SERINC5: variants seen among roughly 807,000 people sequenced by gnomAD.
The protein encoded by SERINC5 is serine incorporator 5.
In SERINC5, 41 loss-of-function variants were observed where a neutral mutation model predicts 63.1. That is an observed-to-expected ratio of 0.65 (90% CI 0.51 to 0.84). SERINC5 has a LOEUF of 0.84. Among genes scored for constraint, SERINC5 ranks in the 40% least tolerant of loss-of-function variants. SERINC5 has a pLI of 0.00. For synonymous variants in SERINC5, 222 were observed against 215.2 expected (o/e 1.03, Z -0.28); for missense variants, 523 against 573.0 (o/e 0.91, Z 0.89).
At chr5:80,219,801 T>C (rs530212379) in intron 1 of SERINC5, among the ~76,000 whole-genome samples, 14 of 152,314 alleles carry the variant, frequency 9.2e-5, no homozygotes, top group African/African-American at 3.1e-4. Flanking sequence ...ATTTCTTCTA[T>C]CATCAACAGA....
At chr5:80,208,003 C>T (rs1750253551) in intron 1 of SERINC5, among the ~76,000 whole-genome samples, 1 of 152,160 alleles carries the variant, frequency 6.6e-6, no homozygotes, top group South Asian at 2.1e-4. Context: ...AGACACTGAG[C>T]ATGTCACTCA....
chr5:80,224,784 G>A (rs892462232), intron 1 of SERINC5, among the ~76,000 whole-genome samples: 5 of 149,858 alleles, frequency 3.3e-5, no homozygotes, highest in African/African-American at 4.9e-5. Flanking sequence ...GCACCACCAC[G>A]TCTAGCTAAT....
At chr5:80,204,598 T>C (rs1750057823) in intron 1 of SERINC5, among the ~76,000 whole-genome samples, 1 of 152,222 alleles carries the variant, frequency 6.6e-6, no homozygotes, top group Non-Finnish European at 1.5e-5. Context: ...GTTTGGGAGA[T>C]GCCCAATTAT....
intron 11 of SERINC5, among the ~76,000 whole-genome samples, chr5:80,117,642 G>GAAAAAGA (rs1744385797): frequency 8.0e-6 from 1 of 124,560 alleles, no homozygotes; most frequent in Admixed American, 8.2e-5. Context: ...TGTGGCTACT[G>GAAAAAGA]AAAAAAAAAA....
At chr5:80,160,992 GTA>G (rs533454724) in intron 7 of SERINC5, among the ~76,000 whole-genome samples, 1 of 137,324 alleles carries the variant, frequency 7.3e-6, no homozygotes, top group Non-Finnish European at 1.5e-5. Context: ...GTGTGTATAT[GTA>G]TATATATACG....
chr5:80,175,480 G>C (rs188815081), intron 4 of SERINC5, among the ~76,000 whole-genome samples: 101 of 152,332 alleles, frequency 6.6e-4, no homozygotes, highest in Non-Finnish European at 8.5e-4. Context: ...GGTTCAGACA[G>C]GGGACAAGGA....
At chr5:80,240,763 T>G (rs1335778873) in intron 1 of SERINC5, among the ~76,000 whole-genome samples, 1 of 152,170 alleles carries the variant, frequency 6.6e-6, no homozygotes, top group Non-Finnish European at 1.5e-5. Flanking sequence ...CTCCTCAGCC[T>G]GGCTCAAGTG....
At chr5:80,111,589 T>C (rs1034033528), downstream of SERINC5, 1 of 152,170 alleles carries the variant, frequency 6.6e-6, no homozygotes, top group Non-Finnish European at 1.5e-5. Context: ...TTGCATTCTT[T>C]GATGTGCTGG....
rs558648824 is a variant in SERINC5, at chr5:80,190,704, C to T, written c.195+12182G>A. On this transcript the variant is annotated intron_variant, in intron 2 of 11. Coordinates refer to ENST00000507668, the MANE Select transcript of SERINC5 (RefSeq NM_001174072.3). Reference sequence around the variant, plus strand: ...TAATTCGGACTAGTCATGATGTTTGCCTTAGGCAGGACATTAGGACCTAAT... The same window carrying T: ...TAATTCGGACTAGTCATGATGTTTGTCTTAGGCAGGACATTAGGACCTAAT... Among the ~76,000 whole-genome samples the T allele has an allele frequency of 7.9e-5, 12 of 152,316 alleles. No individual in the cohort carries two copies. In the South Asian group the frequency reaches 1.7e-3, roughly 21 times the overall value.
chr5:80,194,668 C>T (rs79607532), intron 2 of SERINC5, among the ~76,000 whole-genome samples: 1,831 of 152,270 alleles, frequency 0.012, 28 homozygotes, highest in Admixed American at 0.018. Context: ...AAGCTAAGAT[C>T]GCTGCTGAGG....
At chr5:80,232,147 G>A (rs1229857403) in intron 1 of SERINC5, among the ~76,000 whole-genome samples, 1 of 150,230 alleles carries the variant, frequency 6.7e-6, no homozygotes, top group Non-Finnish European at 1.5e-5. Context: ...GCTCACGCCT[G>A]TAATCCCAGC....
chr5:80,154,716 C>CA (rs1746414537), intron 8 of SERINC5, among the ~76,000 whole-genome samples: 1 of 152,118 alleles, frequency 6.6e-6, no homozygotes, highest in Non-Finnish European at 1.5e-5. Context: ...CGAACCTCCC[C>CA]ACTTCAAACT....
At chr5:80,193,192 A>G (rs749948933) in intron 2 of SERINC5, among the ~76,000 whole-genome samples, 2 of 152,222 alleles carry the variant, frequency 1.3e-5, no homozygotes, top group African/African-American at 4.8e-5. Context: ...GAATCATCCT[A>G]TTAAATTTCT....
At chr5:80,189,382 G>A (rs557225157) in intron 2 of SERINC5, among the ~76,000 whole-genome samples, 80 of 152,242 alleles carry the variant, frequency 5.3e-4, no homozygotes, top group African/African-American at 1.7e-3. Flanking sequence ...AACCAAAGCC[G>A]GGAAGAGAGT....
Position 80,225,365 on chromosome 5 carries a change from G to A in SERINC5, c.28-22312C>T, listed in dbSNP as rs1387303424. ...ACTGGAATTTCTGCCTCAGTCAGGT[G>A]ACTCCTAAGTCCATTTGTTTGCAAT... On this transcript the variant is annotated intron_variant, in intron 1 of 11. Transcript: ENST00000507668. Among the ~76,000 whole-genome samples, 4 of 152,184 alleles carry A rather than the reference G, an allele frequency of 2.6e-5. No individual in the cohort carries two copies. The East Asian group carries it at 7.7e-4, about 29-fold the overall frequency.
At chr5:80,217,136 T>C (rs1226168290) in intron 1 of SERINC5, among the ~76,000 whole-genome samples, 1 of 151,958 alleles carries the variant, frequency 6.6e-6, no homozygotes, top group Non-Finnish European at 1.5e-5. Context: ...ATTTTACAAA[T>C]TTTTAATTAA....
At chr5:80,146,323 G>A in intron 10 of SERINC5, 89 bp from the exon 11 acceptor site, 1 of 1,480,720 alleles carries the variant, frequency 6.8e-7, no homozygotes, top group Non-Finnish European at 9.3e-7. Flanking sequence ...CTACAGGGCT[G>A]TCAGTAGAAA....
intron 2 of SERINC5, among the ~76,000 whole-genome samples, chr5:80,201,056 G>A (rs6885347): frequency 0.11 from 17,113 of 151,806 alleles, 1,186 homozygotes; most frequent in African/African-American, 0.18. Context: ...CTGAGATCGC[G>A]CCATTGCACT....
At chr5:80,215,302 G>A (rs1315477529) in intron 1 of SERINC5, among the ~76,000 whole-genome samples, 1 of 152,162 alleles carries the variant, frequency 6.6e-6, no homozygotes, top group Admixed American at 6.5e-5. Context: ...CTCCTGCCAT[G>A]TAAGACACCT....
Sources: gnomAD v4.1 joint callset for allele counts (sites outside exome capture counted in the v4.1 genomes callset) on GRCh38, gnomAD v4.1.1 for gene constraint, MANE v1.5 for transcripts, NCBI Gene and HGNC (gene_info 2026-07-23, HGNC 2026-07-21) for gene names.